Variants in VWA3B observed in about 807,000 individuals in gnomAD.
VWA3B encodes the protein von Willebrand factor A domain containing 3B.
Under a neutral mutation model 158.3 loss-of-function variants are expected in VWA3B, and 138 were observed. That is an observed-to-expected ratio of 0.87 (90% CI 0.76 to 1.00). The LOEUF (loss-of-function observed/expected upper bound fraction) is 1.00, where lower values mean the gene tolerates loss of function less well. VWA3B is among the 50% of genes least tolerant of loss of function. The pLI, the probability that VWA3B is intolerant of heterozygous loss-of-function variation, is 0.00. For synonymous variants in VWA3B, 596 were observed against 587.3 expected (o/e 1.01, Z -0.21); for missense variants, 1,555 against 1,565.1 (o/e 0.99, Z 0.11).
chr2:98,161,049 G>C (rs114624332), intron 7 of VWA3B, among the ~76,000 whole-genome samples: 2 of 152,170 alleles, frequency 1.3e-5, no homozygotes, highest in Non-Finnish European at 2.9e-5. Flanking sequence ...CTTTGGCCCC[G>C]GGTGGATGAG....
At chr2:98,226,402 A>G (rs555293481) in intron 14 of VWA3B, among the ~76,000 whole-genome samples, 1 of 152,318 alleles carries the variant, frequency 6.6e-6, no homozygotes, top group South Asian at 2.1e-4. Flanking sequence ...TAAACCTCAT[A>G]CCTCATGGAC....
At chr2:98,134,234 G>A (rs1319140515) in intron 7 of VWA3B, among the ~76,000 whole-genome samples, 1 of 152,226 alleles carries the variant, frequency 6.6e-6, no homozygotes, top group Non-Finnish European at 1.5e-5. Context: ...TGGCAAGGCA[G>A]AGCCACTCTG....
chr2:98,166,815 C>CACACACACACACACACACAT (rs1374078740), intron 8 of VWA3B, among the ~76,000 whole-genome samples: 26 of 152,040 alleles, frequency 1.7e-4, no homozygotes, highest in African/African-American at 6.0e-4. Context: ...CACACACACA[C>CACACACACACACACACACAT]ACACACACAC....
Position 98,303,761 on chromosome 2 carries a change from C to T in VWA3B, c.3480C>T (p.Cys1160=), listed in dbSNP as rs1467438289. The T allele has an allele frequency of 6.2e-7, 1 of 1,614,168 alleles. No individual in the cohort carries two copies. The highest frequency in any genetic ancestry group is 1.1e-5 in the South Asian group (1 of 91,074). ...KISQNKYALS[C]SHIKSPPIPE... is the part of the protein sequence containing the mutation. ...GCCAAAACAAGTATGCGCTCTCTTG[C>T]TCTCATATAAAGTCACCCCCAATTC... Residue 1160 remains cysteine (C), a synonymous_variant, in exon 26 of 28, where the codon TGC becomes TGT. Coordinates refer to ENST00000477737, the MANE Select transcript of VWA3B (RefSeq NM_144992.5).
chr2:98,329,881 G>A, the VWA3B span, among the ~76,000 whole-genome samples: 2 of 152,186 alleles, frequency 1.3e-5, no homozygotes, highest in African/African-American at 4.8e-5. Context: ...GTCTCAGCCT[G>A]CCCTTCCTGA....
intron 21 of VWA3B, among the ~76,000 whole-genome samples, chr2:98,262,063 A>C (rs1342992309): frequency 6.6e-6 from 1 of 151,626 alleles, no homozygotes; most frequent in Admixed American, 6.6e-5. Context: ...ATTCCTGGAC[A>C]TTTGTATATC....
At chr2:98,152,844 A>T (rs1486938779) in intron 7 of VWA3B, among the ~76,000 whole-genome samples, 1 of 152,208 alleles carries the variant, frequency 6.6e-6, no homozygotes, top group African/African-American at 2.4e-5. Flanking sequence ...CCATGGTCAG[A>T]ACTCTATGCT....
chr2:98,163,051 G>T (rs1678762124), intron 8 of VWA3B, 75 bp downstream of exon 8: 3 of 1,582,104 alleles, frequency 1.9e-6, no homozygotes, highest in East Asian at 2.2e-5. Context: ...CTGCTTCCAT[G>T]TTCCTGACCA....
At chr2:98,322,085 C>A in the VWA3B span, among the ~76,000 whole-genome samples, 1 of 152,184 alleles carries the variant, frequency 6.6e-6, no homozygotes, top group Non-Finnish European at 1.5e-5. Context: ...TTGCCTTCTG[C>A]CATGATTGTG....
chr2:98,253,451 A>G (rs4851953), intron 20 of VWA3B, among the ~76,000 whole-genome samples: 11,089 of 152,128 alleles, frequency 0.073, 768 homozygotes, highest in Admixed American at 0.22. Context: ...CGAGGCAGCA[A>G]TTTTGGCTTT....
At chr2:98,139,787 G>A (rs532179410) in intron 7 of VWA3B, among the ~76,000 whole-genome samples, 1 of 152,298 alleles carries the variant, frequency 6.6e-6, no homozygotes, top group Non-Finnish European at 1.5e-5. Context: ...GCAGAATGTG[G>A]GTGGGGCCAG....
intron 24 of VWA3B, among the ~76,000 whole-genome samples, chr2:98,298,471 C>A (rs535335966): frequency 6.8e-6 from 1 of 147,550 alleles, no homozygotes; most frequent in Non-Finnish European, 1.5e-5. Context: ...GCCATGCCAT[C>A]CCACCCCATC....
intron 21 of VWA3B, among the ~76,000 whole-genome samples, chr2:98,264,163 G>A (rs755256454): frequency 2.0e-5 from 3 of 149,574 alleles, no homozygotes; most frequent in Non-Finnish European, 3.0e-5. Context: ...TGTCAATTTT[G>A]TAGGTCTTTT....
At chr2:98,325,622 G>C in the VWA3B span, among the ~76,000 whole-genome samples, 1 of 152,130 alleles carries the variant, frequency 6.6e-6, no homozygotes, top group Non-Finnish European at 1.5e-5. Flanking sequence ...AATTACCCAG[G>C]TGAATATTTT....
intron 7 of VWA3B, among the ~76,000 whole-genome samples, chr2:98,151,523 T>C (rs1677634836): frequency 6.6e-6 from 1 of 152,112 alleles, no homozygotes; most frequent in Non-Finnish European, 1.5e-5. Flanking sequence ...CACATGTTCA[T>C]GTCCTACAGC....
chr2:98,264,911 T>C (rs1359956956), intron 21 of VWA3B, among the ~76,000 whole-genome samples: 1 of 152,198 alleles, frequency 6.6e-6, no homozygotes, highest in African/African-American at 2.4e-5. Context: ...ATAATTGTTA[T>C]ATCCTCTTAG....
At chr2:98,281,790 G>C (rs1266938552) in intron 22 of VWA3B, among the ~76,000 whole-genome samples, 1 of 152,122 alleles carries the variant, frequency 6.6e-6, no homozygotes, top group Non-Finnish European at 1.5e-5. Context: ...TGTAGACAAG[G>C]CTAAATCAAA....
chr2:98,244,367 G>T (rs891401757), intron 19 of VWA3B, among the ~76,000 whole-genome samples: 1 of 152,036 alleles, frequency 6.6e-6, no homozygotes, highest in Non-Finnish European at 1.5e-5. Flanking sequence ...TTGCTAAATG[G>T]TATTTCAATT....
chr2:98,112,434 G>GTT (rs375442348), intron 2 of VWA3B, among the ~76,000 whole-genome samples: 1 of 148,086 alleles, frequency 6.8e-6, no homozygotes, highest in African/African-American at 2.5e-5. Flanking sequence ...ACTGGTTGAA[G>GTT]TTTTTTTTTT....
Sources: gnomAD v4.1 joint callset for allele counts (sites outside exome capture counted in the v4.1 genomes callset) on GRCh38, gnomAD v4.1.1 for gene constraint, MANE v1.5 for transcripts, NCBI Gene and HGNC (gene_info 2026-07-23, HGNC 2026-07-21) for gene names.